SORCS1: variants seen among roughly 807,000 people sequenced by gnomAD.
SORCS1 encodes the protein VPS10 domain-containing receptor SorCS1.
SORCS1 carries 60 observed loss-of-function variants against 146.1 expected under a neutral mutation model. That is an observed-to-expected ratio of 0.41 (90% CI 0.33 to 0.51). The LOEUF (loss-of-function observed/expected upper bound fraction) is 0.51, where lower values mean the gene tolerates loss of function less well. Among genes scored for constraint, SORCS1 ranks in the 20% least tolerant of loss-of-function variants. SORCS1 has a pLI of 0.21. For missense variants in SORCS1, 1,352 were observed against 1,487.6 expected (o/e 0.91, Z 1.50); for synonymous variants, 637 against 584.0 (o/e 1.09, Z -1.31).
intron 3 of SORCS1, among the ~76,000 whole-genome samples, chr10:106,813,351 C>A (rs937624446): frequency 1.3e-5 from 2 of 151,900 alleles, no homozygotes; most frequent in African/African-American, 2.4e-5. Context: ...CCAGGCTGTT[C>A]TCAAACTTCT....
At chr10:107,099,813 A>T (rs1420625903) in intron 1 of SORCS1, among the ~76,000 whole-genome samples, 2 of 152,238 alleles carry the variant, frequency 1.3e-5, no homozygotes, top group Non-Finnish European at 2.9e-5. Context: ...TTAAGTGCCT[A>T]CTATGTGCCA....
intron 1 of SORCS1, among the ~76,000 whole-genome samples, chr10:106,984,018 T>C (rs1956346697): frequency 6.6e-6 from 1 of 152,162 alleles, no homozygotes; most frequent in Admixed American, 6.5e-5. Flanking sequence ...TATTAAAAAA[T>C]TGTAAATGCA....
At chr10:106,886,639 G>A (rs901298330) in intron 2 of SORCS1, among the ~76,000 whole-genome samples, 7 of 152,186 alleles carry the variant, frequency 4.6e-5, no homozygotes, top group Non-Finnish European at 8.8e-5. Flanking sequence ...TAAAGATCCT[G>A]AATACCTACT....
At chr10:106,656,382 C>G (rs776538243) in intron 17 of SORCS1, among the ~76,000 whole-genome samples, 5 of 152,030 alleles carry the variant, frequency 3.3e-5, no homozygotes, top group Non-Finnish European at 7.4e-5. Context: ...AACCTTGTCT[C>G]TACTAAAAAT....
At chr10:106,584,712 T>C (rs1362693142) in intron 24 of SORCS1, among the ~76,000 whole-genome samples, 1 of 152,224 alleles carries the variant, frequency 6.6e-6, no homozygotes, top group Non-Finnish European at 1.5e-5. Context: ...ATAAACTCTT[T>C]AACATTTTAA....
intron 17 of SORCS1, among the ~76,000 whole-genome samples, chr10:106,665,436 T>A (rs1054786441): frequency 4.6e-5 from 7 of 150,548 alleles, no homozygotes; most frequent in Non-Finnish European, 1.5e-5. Flanking sequence ...TTGTCCAGGG[T>A]GGCCTTGAAC....
At chr10:106,691,700 C>G (rs1853311292) in intron 9 of SORCS1, among the ~76,000 whole-genome samples, 2 of 152,120 alleles carry the variant, frequency 1.3e-5, no homozygotes, top group Admixed American at 6.5e-5. Context: ...ACCTATTCAT[C>G]CTTAAAGATT....
intron 4 of SORCS1, among the ~76,000 whole-genome samples, chr10:106,764,495 A>G (rs541206636): frequency 3.3e-5 from 5 of 152,184 alleles, no homozygotes; most frequent in Non-Finnish European, 5.9e-5. Context: ...GCAGCACCTA[A>G]GTAAGATTTA....
rs370380209 is a variant in SORCS1 at position 107,107,738 on chromosome 10, A to G, written c.558+56231T>C. 5.3e-5 allele frequency among the ~76,000 whole-genome samples: 8 copies of G among 152,242 alleles called. No individual in the cohort carries two copies. In the East Asian group the frequency reaches 1.3e-3, roughly 26 times the overall value. On this transcript the variant is annotated intron_variant, in intron 1 of 25. Coordinates refer to ENST00000263054, the MANE Select transcript of SORCS1 (RefSeq NM_052918.5). ...AGGGCCATTTTGAGAGGGCCAACTC[A>G]TGCCCAGATGGCAGACTTGGTGATC... is the stretch of plus-strand genomic sequence containing the variant.
chr10:106,878,627 T>TATATATATATATATATATATATATAC (rs1468142255), intron 2 of SORCS1, among the ~76,000 whole-genome samples: 1 of 131,024 alleles, frequency 7.6e-6, no homozygotes, highest in Non-Finnish European at 1.6e-5. Context: ...CTAGTATATA[T>TATATATATATATATATATATATATAC]ATATATATAT....
intron 1 of SORCS1, among the ~76,000 whole-genome samples, chr10:107,023,421 C>A (rs529084663): frequency 6.6e-6 from 1 of 152,274 alleles, no homozygotes; most frequent in South Asian, 2.1e-4. Context: ...TTTAGCACTG[C>A]AGAATTTTAG....
intron 3 of SORCS1, 48 bp downstream of exon 3, chr10:106,829,526 C>A (rs1333382777): frequency 2.8e-6 from 4 of 1,424,280 alleles, no homozygotes; most frequent in Non-Finnish European, 3.9e-6. Flanking sequence ...CCAACCAAGA[C>A]AGAAGTCACA....
chr10:107,151,313 G>C (rs1157172074), intron 1 of SORCS1, among the ~76,000 whole-genome samples: 1 of 152,030 alleles, frequency 6.6e-6, no homozygotes, highest in Non-Finnish European at 1.5e-5. Context: ...ATCTCAGATA[G>C]AGATGACAAA....
At chr10:107,133,808 G>C (rs1390086005) in intron 1 of SORCS1, among the ~76,000 whole-genome samples, 3 of 152,188 alleles carry the variant, frequency 2.0e-5, no homozygotes, top group African/African-American at 7.2e-5. Context: ...AGCTGTATCT[G>C]TGAAATGAAT....
chr10:106,879,336 T>A (rs1950727065), intron 2 of SORCS1, among the ~76,000 whole-genome samples: 1 of 152,214 alleles, frequency 6.6e-6, no homozygotes, highest in Non-Finnish European at 1.5e-5. Context: ...AACACTCACA[T>A]ACTAAAATAC....
chr10:106,849,969 AG>A lies in SORCS1; in HGVS notation c.627-20297del, dbSNP rs767439812. 3.3e-4 allele frequency among the ~76,000 whole-genome samples: 50 copies of A among 152,284 alleles called. 1 individual carries two copies. The East Asian group carries it at 7.6e-3, about 23-fold the overall frequency. ...CTCAGATCTCCAGCTGCGTGCTGGA[AG>A]AACCACTGCTGTCTTCAAAGCTGTC... On this transcript the variant is annotated intron_variant, in intron 2 of 25. Coordinates refer to ENST00000263054, the MANE Select transcript of SORCS1 (RefSeq NM_052918.5).
At chr10:106,814,239 T>C (rs1311012692) in intron 3 of SORCS1, among the ~76,000 whole-genome samples, 2 of 152,218 alleles carry the variant, frequency 1.3e-5, no homozygotes, top group Non-Finnish European at 2.9e-5. Context: ...AACTTAAAAA[T>C]ATGACATATG....
chr10:106,924,881 G>T (rs896520999), intron 2 of SORCS1, among the ~76,000 whole-genome samples: 3 of 151,784 alleles, frequency 2.0e-5, no homozygotes, highest in African/African-American at 7.3e-5. Context: ...AGTATCTCAG[G>T]TTTATATGTT....
At chr10:107,053,478 A>G (rs1471613332) in intron 1 of SORCS1, among the ~76,000 whole-genome samples, 2 of 152,152 alleles carry the variant, frequency 1.3e-5, no homozygotes, top group Admixed American at 6.6e-5. Flanking sequence ...GTGAGCAAAC[A>G]CATATTTATT....
Sources: allele counts gnomAD v4.1 joint callset (sites outside exome capture counted in the v4.1 genomes callset), GRCh38; gene constraint gnomAD v4.1.1; transcripts MANE v1.5; gene names NCBI Gene and HGNC (gene_info 2026-07-23, HGNC 2026-07-21).